GRIK4: variants seen among roughly 807,000 people sequenced by gnomAD.
GRIK4 encodes the protein glutamate receptor ionotropic, kainate 4.
A neutral mutation model predicts 104.9 loss-of-function variants in GRIK4; 40 were observed. The observed-to-expected ratio is 0.38, with a 90% CI of 0.30 to 0.50. The LOEUF (loss-of-function observed/expected upper bound fraction) is 0.50. Ranked by LOEUF, GRIK4 falls within the 20% of genes least tolerant of loss-of-function variation. The pLI, the probability that GRIK4 is intolerant of heterozygous loss-of-function variation, is 0.93. For missense variants in GRIK4, 1,047 were observed against 1,308.1 expected (o/e 0.80, Z 3.08); for synonymous variants, 485 against 524.9 (o/e 0.92, Z 1.04).
chr11:120,952,918 C>A lies in GRIK4; in HGVS notation c.1654C>A (p.Leu552Ile), dbSNP rs1220329828. 6.2e-7 allele frequency: 1 copy of A among 1,613,976 alleles called. No homozygotes were observed. The highest frequency in any genetic ancestry group is 1.1e-5 in the South Asian group (1 of 91,076). ...TTCTCCGGGCGTCTGGCTCTTCATGCTTCTAGCCTATCTGGCCGTCAGCTG... is the reference window on the plus strand; with the variant it reads ...TTCTCCGGGCGTCTGGCTCTTCATGATTCTAGCCTATCTGGCCGTCAGCTG... ...PFSPGVWLFM[L>I]LAYLAVSCVL... The change falls in exon 15 of 21, where the codon CTT (leucine) becomes ATT (isoleucine). Residue 552 changes from leucine to isoleucine, a missense_variant. Physicochemically the swap from Leu to Ile is conservative, Grantham distance 5. This residue lies in a region of GRIK4 where 440 missense variants were observed against 652.3 expected (regional missense o/e 0.67). Transcript: ENST00000527524. This position sits in a 1 kb window ranked among gnomAD's most constrained non-coding sequence, Gnocchi z 5.2.
intron 1 of GRIK4, among the ~76,000 whole-genome samples, chr11:120,520,998 C>A (rs1947791530): frequency 6.6e-6 from 1 of 152,112 alleles, no homozygotes; most frequent in South Asian, 2.1e-4. Context: ...TGCAGAAGAC[C>A]CTGTAGAGTT....
intron 3 of GRIK4, among the ~76,000 whole-genome samples, chr11:120,693,920 G>A (rs1010198415): frequency 5.3e-5 from 8 of 151,812 alleles, no homozygotes; most frequent in East Asian, 1.9e-4. Context: ...AGACAAGGGC[G>A]TCACCTTTTC....
In GRIK4 at chr11:120,939,962, AGAGG is replaced by A. The variant is rs1943682676; in HGVS notation, c.1477-381_1477-378del. On this transcript the variant is annotated intron_variant, in intron 13 of 20. Coordinates refer to ENST00000527524, the MANE Select transcript of GRIK4 (RefSeq NM_014619.5). The surrounding 1 kb of genome is among the most constrained non-coding windows in gnomAD (Gnocchi z 5.6). ...GCCACTGCACTCCAGCCTGGGCGAC[AGAGG>A]GAGACCCTGTATCCAGAAAAAAAAA... 6.6e-6 allele frequency among the ~76,000 whole-genome samples: 1 copy of A among 151,866 alleles called. No homozygotes were observed. Among genetic ancestry groups the A allele is most frequent in the Admixed American group, 6.6e-5 (1 of 15,246 alleles).
chr11:120,872,131 A>G (rs1565406367), intron 9 of GRIK4: 3 of 338,032 alleles, frequency 8.9e-6, no homozygotes, highest in Non-Finnish European at 1.7e-5. Flanking sequence ...CCCTGCCCTC[A>G]GGAATGCTGT....
chr11:120,695,142 G>T (rs1950422173), intron 3 of GRIK4, among the ~76,000 whole-genome samples: 1 of 152,214 alleles, frequency 6.6e-6, no homozygotes, highest in African/African-American at 2.4e-5. Context: ...CCTGCTGGAG[G>T]TCAGGGAGCC....
intron 3 of GRIK4, among the ~76,000 whole-genome samples, chr11:120,710,161 G>C (rs1057374499): frequency 1.3e-5 from 2 of 152,168 alleles, no homozygotes; most frequent in Non-Finnish European, 2.9e-5. Context: ...AATACAGAAG[G>C]TTCCCTGTAT....
intron 5 of GRIK4, among the ~76,000 whole-genome samples, chr11:120,818,545 TAGTTGAATTCAGA>T (rs1460142422): frequency 6.6e-6 from 1 of 152,270 alleles, no homozygotes; most frequent in Non-Finnish European, 1.5e-5. Flanking sequence ...AGGCTAATCC[TAGTTGAATTCAGA>T]AGTTTTTCCC....
In GRIK4 at chr11:120,660,679, C is replaced by T. The variant is rs182062965; in HGVS notation, c.82+279C>T. On this transcript the variant is annotated intron_variant, in intron 3 of 20. Coordinates refer to ENST00000527524, the MANE Select transcript of GRIK4 (RefSeq NM_014619.5). Reference sequence around the variant, plus strand: ...AGGTTCAGCCTAGCAGGTTAAGAGGCAGCTGTCGGGGAAAAAGGAGGGTGA... The same window carrying T: ...AGGTTCAGCCTAGCAGGTTAAGAGGTAGCTGTCGGGGAAAAAGGAGGGTGA... Among the ~76,000 whole-genome samples the T allele has an allele frequency of 2.8e-3, 426 of 152,306 alleles. 4 individuals are homozygous for T. The highest frequency in any genetic ancestry group is 9.8e-3 in the African/African-American group (406 of 41,570).
intron 1 of GRIK4, among the ~76,000 whole-genome samples, chr11:120,526,862 AAAAAAGTTCGT>A (rs1282537013): frequency 6.6e-6 from 1 of 152,254 alleles, no homozygotes; most frequent in African/African-American, 2.4e-5. Flanking sequence ...AAAAAAGAAA[AAAAAAGTTCGT>A]TTTTAAAGTG....
At chr11:120,795,765 T>G (rs1400961326) in intron 3 of GRIK4, among the ~76,000 whole-genome samples, 1 of 152,152 alleles carries the variant, frequency 6.6e-6, no homozygotes, top group East Asian at 1.9e-4. Context: ...TTACTCTGGG[T>G]TTTTTTAAGT....
intron 6 of GRIK4, among the ~76,000 whole-genome samples, chr11:120,827,074 A>G (rs1234077701): frequency 6.6e-6 from 1 of 152,164 alleles, no homozygotes; most frequent in Non-Finnish European, 1.5e-5. Flanking sequence ...TGCTTCCCAC[A>G]AGGTTAAAAA....
chr11:120,937,174 G>T (rs1442199663), intron 13 of GRIK4, among the ~76,000 whole-genome samples: 1 of 152,142 alleles, frequency 6.6e-6, no homozygotes, highest in East Asian at 1.9e-4. Flanking sequence ...GAGTAGCTGG[G>T]ACTACAGACG....
At chr11:120,637,182 G>A (rs183533429) in intron 1 of GRIK4, among the ~76,000 whole-genome samples, 7 of 151,846 alleles carry the variant, frequency 4.6e-5, no homozygotes, top group African/African-American at 9.7e-5. Context: ...TTTTCCAGAC[G>A]CCAGGTGGGG....
intron 3 of GRIK4, among the ~76,000 whole-genome samples, chr11:120,667,432 C>A (rs1215467361): frequency 1.3e-5 from 2 of 152,268 alleles, no homozygotes; most frequent in Non-Finnish European, 2.9e-5. Context: ...GCTGCTAGAC[C>A]TCAGCCGAGT....
intron 8 of GRIK4, among the ~76,000 whole-genome samples, chr11:120,856,864 G>A (rs1954116022): frequency 6.6e-6 from 1 of 152,126 alleles, no homozygotes; most frequent in African/African-American, 2.4e-5. Context: ...CCTGTCCTCA[G>A]GATTGACTAA....
At chr11:120,575,460 C>T (rs1174211155) in intron 1 of GRIK4, among the ~76,000 whole-genome samples, 2 of 152,134 alleles carry the variant, frequency 1.3e-5, no homozygotes, top group East Asian at 1.9e-4. Context: ...CAGGCCTCCT[C>T]CACCCCACAG....
intron 13 of GRIK4, among the ~76,000 whole-genome samples, chr11:120,917,447 C>T (rs947411205): frequency 5.9e-5 from 9 of 151,886 alleles, no homozygotes; most frequent in African/African-American, 1.4e-4. Context: ...ACAGACCGGG[C>T]GGTAAAAGGC....
At chr11:120,633,654 T>C (rs1427313983) in intron 1 of GRIK4, among the ~76,000 whole-genome samples, 1 of 152,024 alleles carries the variant, frequency 6.6e-6, no homozygotes, top group Non-Finnish European at 1.5e-5. Context: ...AAGAGGGAAA[T>C]GAAAGCCACA....
At chr11:120,954,781 CTA>C (rs1944096443) in intron 15 of GRIK4, among the ~76,000 whole-genome samples, 1 of 125,854 alleles carries the variant, frequency 7.9e-6, no homozygotes, top group African/African-American at 3.0e-5. Flanking sequence ...CTCTCTCTCA[CTA>C]CACACACACA....
Sources: gnomAD v4.1 joint callset for allele counts (sites outside exome capture counted in the v4.1 genomes callset) on GRCh38, gnomAD v4.1.1 for gene constraint, gnomAD v4.1.1 regional missense constraint, Gnocchi (gnomAD v3.1) non-coding constraint, MANE v1.5 for transcripts, NCBI Gene and HGNC (gene_info 2026-07-23, HGNC 2026-07-21) for gene names.